KCNK2: variants seen among roughly 807,000 people sequenced by gnomAD.
KCNK2 encodes the protein potassium channel subfamily K member 2.
Under a neutral mutation model 40.5 loss-of-function variants are expected in KCNK2, and 21 were observed. The ratio of observed to expected loss-of-function variants is 0.52; its 90% CI spans 0.37 to 0.75. The LOEUF (loss-of-function observed/expected upper bound fraction) is 0.75, where lower values mean the gene tolerates loss of function less well. KCNK2 is among the 30% of genes least tolerant of loss of function. KCNK2 has a pLI of 0.00. For missense variants in KCNK2, 399 were observed against 531.6 expected (o/e 0.75, Z 2.45); for synonymous variants, 191 against 202.2 (o/e 0.94, Z 0.47).
intron 2 of KCNK2, among the ~76,000 whole-genome samples, chr1:215,089,134 A>G (rs1260000779): frequency 2.6e-5 from 4 of 152,140 alleles, no homozygotes; most frequent in African/African-American, 9.7e-5. Flanking sequence ...AAATTTCCCA[A>G]TCTTTTTTTT....
upstream of KCNK2, among the ~76,000 whole-genome samples, chr1:215,081,021 C>T (rs1257930656): frequency 6.6e-6 from 1 of 152,156 alleles, no homozygotes; most frequent in Non-Finnish European, 1.5e-5. Flanking sequence ...AGGAGAAATT[C>T]TGCCTTAAGA....
intron 3 of KCNK2, among the ~76,000 whole-genome samples, chr1:215,143,335 T>A (rs1662270302): frequency 6.6e-6 from 1 of 152,128 alleles, no homozygotes; most frequent in South Asian, 2.1e-4. Flanking sequence ...CTTTGTACAC[T>A]GGCTGGGCCA....
intron 3 of KCNK2, among the ~76,000 whole-genome samples, chr1:215,126,561 T>C (rs1661445658): frequency 6.6e-6 from 1 of 152,148 alleles, no homozygotes; most frequent in Non-Finnish European, 1.5e-5. Flanking sequence ...AAGTTATAAC[T>C]CATCATGACC....
At chr1:215,162,679 TC>T (rs1397872315) in intron 3 of KCNK2, among the ~76,000 whole-genome samples, 1 of 152,178 alleles carries the variant, frequency 6.6e-6, no homozygotes, top group African/African-American at 2.4e-5. Context: ...AAATAGGGAA[TC>T]CTTTCCCCAT....
intron 1 of KCNK2, among the ~76,000 whole-genome samples, chr1:215,073,964 A>C (rs2363553): frequency 0.86 from 131,003 of 152,142 alleles, 56,688 homozygotes; most frequent in East Asian, 0.98. Flanking sequence ...TTAATGAGAA[A>C]TTCAATACTT....
rs71167813 is a variant in KCNK2, at chr1:215,204,037, C to CAAAAAAAAAAAAAAA, written c.963+8958_963+8972dup. On this transcript the variant is annotated intron_variant, in intron 6 of 6. Transcript: ENST00000444842. ...TGGGCGATAGAGCGAGACTCCGTCT[C>CAAAAAAAAAAAAAAA]AAAAAAAAAAAAAAAAAAAAAAAAA... Among the ~76,000 whole-genome samples the CAAAAAAAAAAAAAAA allele has an allele frequency of 2.8e-4, 15 of 53,184 alleles. 2 individuals are homozygous for CAAAAAAAAAAAAAAA. The highest frequency in any genetic ancestry group is 1.6e-3 in the African/African-American group (15 of 9,244). The allele number at this position is 53,184 out of a possible 152,430, so 34.9% of individuals were successfully genotyped here.
intron 1 of KCNK2, among the ~76,000 whole-genome samples, chr1:215,014,912 T>C (rs1275304279): frequency 6.6e-6 from 1 of 152,188 alleles, no homozygotes; most frequent in Non-Finnish European, 1.5e-5. Flanking sequence ...TTAATGATAT[T>C]ATGATGTCAA....
intron 6 of KCNK2, among the ~76,000 whole-genome samples, chr1:215,204,437 C>T (rs992935036): frequency 6.6e-6 from 1 of 151,738 alleles, no homozygotes; most frequent in African/African-American, 2.4e-5. Context: ...TGTCTCAAAG[C>T]TCTTTATAAG....
At chr1:215,072,375 G>T (rs1223733596) in intron 1 of KCNK2, among the ~76,000 whole-genome samples, 1 of 152,240 alleles carries the variant, frequency 6.6e-6, no homozygotes. Context: ...AGGCAAGAGA[G>T]CTTTTGCAGA....
intron 1 of KCNK2, among the ~76,000 whole-genome samples, chr1:215,039,741 G>A (rs1206925173): frequency 1.3e-5 from 2 of 152,028 alleles, no homozygotes; most frequent in East Asian, 1.9e-4. Context: ...TCAGACTGTG[G>A]ATAGTTCAGA....
At chr1:215,190,325 A>G (rs1462927536) in intron 5 of KCNK2, among the ~76,000 whole-genome samples, 2 of 152,044 alleles carry the variant, frequency 1.3e-5, no homozygotes, top group African/African-American at 4.8e-5. Flanking sequence ...CCTTGAGGAG[A>G]AGAGGCATGC....
intron 6 of KCNK2, among the ~76,000 whole-genome samples, chr1:215,232,432 A>G (rs2102714710): frequency 6.6e-6 from 1 of 152,332 alleles, no homozygotes; most frequent in African/African-American, 2.4e-5. Flanking sequence ...TACAGATAGA[A>G]GAAAAACAAT....
At chr1:215,076,803 C>A (rs561811065) in intron 1 of KCNK2, among the ~76,000 whole-genome samples, 1 of 152,312 alleles carries the variant, frequency 6.6e-6, no homozygotes, top group African/African-American at 2.4e-5. Flanking sequence ...CCCCACAGAG[C>A]TGAGTTATTT....
chr1:215,230,651 A>G (rs929312286), intron 6 of KCNK2, among the ~76,000 whole-genome samples: 3 of 143,016 alleles, frequency 2.1e-5, no homozygotes, highest in African/African-American at 7.9e-5. Context: ...GAAATAGGTT[A>G]TTAGCCCTAT....
intron 6 of KCNK2, among the ~76,000 whole-genome samples, chr1:215,209,483 TAA>T (rs1558140315): frequency 5.4e-4 from 3 of 5,604 alleles, no homozygotes; most frequent in African/African-American, 1.7e-3. Flanking sequence ...ATATTATATA[TAA>T]TACATATATA....
rs779325014 is a variant in KCNK2 at position 215,193,130 on chromosome 1, AT to A, written c.824-1822del. Among the ~76,000 whole-genome samples, 12 of 152,206 alleles carry A rather than the reference AT, an allele frequency of 7.9e-5. No individual in the cohort carries two copies. The East Asian group carries it at 9.6e-4, about 12-fold the overall frequency. On this transcript the variant is annotated intron_variant, in intron 5 of 6. Transcript: ENST00000444842. ...TCAGTATTTTATACTTGATTTTAAT[AT>A]ATACTTGCAATTTATACTTGATTTT...
intron 3 of KCNK2, among the ~76,000 whole-genome samples, chr1:215,145,470 G>C (rs537761587): frequency 1.3e-5 from 2 of 152,122 alleles, no homozygotes; most frequent in South Asian, 4.2e-4. Context: ...ATTTGCAGTT[G>C]AGAAAAATTA....
intron 1 of KCNK2, among the ~76,000 whole-genome samples, chr1:215,012,608 A>T (rs1460722086): frequency 1.4e-5 from 2 of 147,072 alleles, no homozygotes; most frequent in Non-Finnish European, 3.0e-5. Context: ...AGTAGCTGGG[A>T]TTACTGGTGC....
At chr1:215,204,260 A>G (rs1053467540) in intron 6 of KCNK2, among the ~76,000 whole-genome samples, 23 of 151,756 alleles carry the variant, frequency 1.5e-4, no homozygotes, top group African/African-American at 5.5e-4. Flanking sequence ...CAGGAAGATT[A>G]CTTTTGTTTT....
Sources: gnomAD v4.1 joint callset for allele counts (sites outside exome capture counted in the v4.1 genomes callset) on GRCh38, gnomAD v4.1.1 for gene constraint, MANE v1.5 for transcripts, NCBI Gene and HGNC (gene_info 2026-07-23, HGNC 2026-07-21) for gene names.